The following DLG2 variants were observed in gnomAD, a reference collection of about 807,000 sequenced individuals.
DLG2 encodes the protein discs large MAGUK scaffold protein 2, also known as disks large homolog 2.
DLG2 carries 45 observed loss-of-function variants against 132.5 expected under a neutral mutation model. That is an observed-to-expected ratio of 0.34 (90% CI 0.27 to 0.44). The LOEUF (loss-of-function observed/expected upper bound fraction) is 0.44. DLG2 is among the 20% of genes least tolerant of loss of function. The pLI is 1.00. For synonymous variants in DLG2, 424 were observed against 419.6 expected (o/e 1.01, Z -0.13); for missense variants, 1,045 against 1,196.9 (o/e 0.87, Z 1.87).
intron 6 of DLG2, among the ~76,000 whole-genome samples, chr11:84,800,107 G>T (rs542606177): frequency 1.3e-5 from 2 of 152,096 alleles, no homozygotes; most frequent in African/African-American, 4.8e-5. Context: ...GTTGAGTGGA[G>T]ACTAAAATTT....
intron 7 of DLG2, among the ~76,000 whole-genome samples, chr11:84,335,807 T>C (rs554496895): frequency 1.0e-3 from 156 of 152,306 alleles, no homozygotes; most frequent in African/African-American, 3.4e-3. Flanking sequence ...AATTAGGTAA[T>C]GATTGTCATG....
chr11:84,579,275 T>C (rs903821855), intron 6 of DLG2, among the ~76,000 whole-genome samples: 1 of 151,960 alleles, frequency 6.6e-6, no homozygotes, highest in Admixed American at 6.6e-5. Flanking sequence ...AAAGGGTTCA[T>C]GATTTTTCTT....
intron 3 of DLG2, among the ~76,000 whole-genome samples, chr11:85,470,209 T>A (rs2092937523): frequency 6.7e-6 from 1 of 149,354 alleles, no homozygotes; most frequent in Admixed American, 6.7e-5. Flanking sequence ...ATTAATCTAC[T>A]TGGTTTTTTT....
At chr11:84,409,824 G>A (rs1383882598) in intron 7 of DLG2, among the ~76,000 whole-genome samples, 1 of 152,074 alleles carries the variant, frequency 6.6e-6, no homozygotes, top group Non-Finnish European at 1.5e-5. Context: ...TCATTTGTAT[G>A]TTATAAACGT....
At chr11:84,290,638 T>C (rs1271659609) in intron 7 of DLG2, among the ~76,000 whole-genome samples, 32 of 152,128 alleles carry the variant, frequency 2.1e-4, no homozygotes, top group Admixed American at 2.1e-3. Context: ...AACCCTGTGA[T>C]ATAGGCATTG....
chr11:84,060,074 A>T (rs1258371304), intron 10 of DLG2, among the ~76,000 whole-genome samples: 1 of 152,158 alleles, frequency 6.6e-6, no homozygotes, highest in African/African-American at 2.4e-5. Context: ...GCACTTTGGG[A>T]GGCCAAGGTG....
At chr11:83,471,467 T>C (rs1184252318) in intron 24 of DLG2, among the ~76,000 whole-genome samples, 159 bp downstream of exon 24, 3 of 152,054 alleles carry the variant, frequency 2.0e-5, no homozygotes, top group Non-Finnish European at 2.9e-5. Flanking sequence ...AAATGAAAAG[T>C]GTTAGGCAAA....
chr11:83,494,752 T>G (rs1156711056), intron 21 of DLG2, among the ~76,000 whole-genome samples: 5 of 151,992 alleles, frequency 3.3e-5, no homozygotes, highest in Non-Finnish European at 2.9e-5. Context: ...GGATGTCTCC[T>G]GAAGTTGAGC....
intron 6 of DLG2, among the ~76,000 whole-genome samples, chr11:85,026,147 A>C (rs1046985622): frequency 2.6e-5 from 4 of 152,200 alleles, no homozygotes; most frequent in Non-Finnish European, 5.9e-5. Context: ...TAAAATTTTC[A>C]AACAAAAGGC....
chr11:84,176,050 T>C (rs968222862), intron 8 of DLG2, among the ~76,000 whole-genome samples: 18 of 152,128 alleles, frequency 1.2e-4, no homozygotes, highest in African/African-American at 2.4e-5. Context: ...CATACATTAT[T>C]GCATTGGATT....
At chr11:84,735,587 G>C (rs898058675) in intron 6 of DLG2, among the ~76,000 whole-genome samples, 1 of 152,044 alleles carries the variant, frequency 6.6e-6, no homozygotes, top group African/African-American at 2.4e-5. Context: ...CAAAAAACCA[G>C]CTCCTGGATT....
intron 4 of DLG2, among the ~76,000 whole-genome samples, chr11:85,223,658 T>C (rs2152618725): frequency 6.6e-6 from 1 of 152,122 alleles, no homozygotes; most frequent in East Asian, 1.9e-4. Context: ...TTGTTTTTGT[T>C]TTTTTAAAAG....
chr11:83,668,802 T>C (rs1010130565), intron 18 of DLG2, among the ~76,000 whole-genome samples: 1 of 81,992 alleles, frequency 1.2e-5, no homozygotes. Context: ...TAAACACACA[T>C]ATATATGTGT....
chr11:84,657,179 A>G (rs965387517), intron 6 of DLG2, among the ~76,000 whole-genome samples: 1 of 152,172 alleles, frequency 6.6e-6, no homozygotes, highest in Admixed American at 6.5e-5. Context: ...AATAACAATG[A>G]TAATCATAGT....
chr11:83,986,037 T>A (rs185586723), intron 11 of DLG2, among the ~76,000 whole-genome samples: 43 of 152,046 alleles, frequency 2.8e-4, no homozygotes, highest in Non-Finnish European at 5.0e-4. Context: ...ACTTTTTTTT[T>A]AAACCAATAG....
At chr11:85,139,774 A>C (rs1483574463) in intron 5 of DLG2, among the ~76,000 whole-genome samples, 1 of 151,956 alleles carries the variant, frequency 6.6e-6, no homozygotes, top group African/African-American at 2.4e-5. Flanking sequence ...TCCAGCCTAC[A>C]TCTCTTCATT....
intron 6 of DLG2, among the ~76,000 whole-genome samples, chr11:84,920,297 T>G (rs544977587): frequency 6.6e-6 from 1 of 152,298 alleles, no homozygotes; most frequent in Admixed American, 6.5e-5. Context: ...GCTTCTTAGC[T>G]CCATGCTTTT....
At chr11:84,434,217 G>T (rs2098993729) in intron 7 of DLG2, among the ~76,000 whole-genome samples, 1 of 151,596 alleles carries the variant, frequency 6.6e-6, no homozygotes. Context: ...CAACATGAAA[G>T]AAAACTGTTT....
At chr11:84,832,979 T>C (rs1329938470) in intron 6 of DLG2, among the ~76,000 whole-genome samples, 1 of 151,598 alleles carries the variant, frequency 6.6e-6, no homozygotes, top group Non-Finnish European at 1.5e-5. Flanking sequence ...GAGTTGTATG[T>C]GAGTTTAAAG....
Sources: allele counts gnomAD v4.1 joint callset (sites outside exome capture counted in the v4.1 genomes callset), GRCh38; gene constraint gnomAD v4.1.1; transcripts MANE v1.5; gene names NCBI Gene and HGNC (gene_info 2026-07-23, HGNC 2026-07-21).